PLEKHM1: variants seen among roughly 807,000 people sequenced by gnomAD.
The protein encoded by PLEKHM1 is pleckstrin homology domain-containing family M member 1.
In PLEKHM1, 28 loss-of-function variants were observed where a neutral mutation model predicts 94.3. The ratio of observed to expected loss-of-function variants is 0.30; its 90% CI spans 0.22 to 0.41. PLEKHM1 has a LOEUF of 0.41. PLEKHM1 is among the 10% of genes least tolerant of loss of function. PLEKHM1 has a pLI of 1.00. For synonymous variants in PLEKHM1, 424 were observed against 581.2 expected, an observed-to-expected ratio of 0.73 and a Z score of 3.89; for missense variants, 907 against 1,358.6, an observed-to-expected ratio of 0.67 and a Z score of 5.22.
intron 4 of PLEKHM1, among the ~76,000 whole-genome samples, chr17:45,470,697 C>T (rs1262707961): frequency 6.7e-6 from 1 of 150,330 alleles, no homozygotes; most frequent in Non-Finnish European, 1.5e-5. Flanking sequence ...CTCACTCTGT[C>T]GCCCAGGCTG....
At chr17:45,454,858 G>C (rs2050897554) in intron 6 of PLEKHM1, 1 of 184,072 alleles carries the variant, frequency 5.4e-6, no homozygotes, top group Admixed American at 5.3e-5. Context: ...GCCGGAAGCG[G>C]TGGCTCATGC....
chr17:45,447,640 C>G (rs1191133025), intron 8 of PLEKHM1, among the ~76,000 whole-genome samples: 1 of 152,226 alleles, frequency 6.6e-6, no homozygotes, highest in Non-Finnish European at 1.5e-5. Flanking sequence ...ACCAGTGGGT[C>G]AGCCAGAACA....
At chr17:45,441,865 GA>G (rs1278078971) in intron 9 of PLEKHM1, among the ~76,000 whole-genome samples, 1 of 152,200 alleles carries the variant, frequency 6.6e-6, no homozygotes, top group African/African-American at 2.4e-5. Flanking sequence ...GAGACCAGAG[GA>G]ATCTGGACGG....
At position 45,439,613 on chromosome 17, in the gene PLEKHM1, C is replaced by T. The variant is rs1430187862; in HGVS notation, c.2923G>A (p.Gly975Arg). The T allele has an allele frequency of 6.2e-7, 1 of 1,614,080 alleles. No individual in the cohort carries two copies. Among genetic ancestry groups the T allele is most frequent in the South Asian group, 1.1e-5 (1 of 91,080 alleles). Residue 975 changes from glycine (G) to arginine (R), a missense_variant, in exon 11 of 12, where the codon GGA (glycine) becomes AGA (arginine). This residue lies in a region of PLEKHM1 where 254 missense variants were observed against 451.1 expected (regional missense o/e 0.56). Transcript: ENST00000430334. Reference sequence around the variant, plus strand: ...AATTCAATCAGGGCCTTGAGGAATCCTTCATACACCCCGTCTGCGATCTGC... The same window carrying T: ...AATTCAATCAGGGCCTTGAGGAATCTTTCATACACCCCGTCTGCGATCTGC... ...LQQIADGVYEGFLKALIEFAS... is the reference protein window; with the variant it reads ...LQQIADGVYERFLKALIEFAS...
rs569504748 is a variant in PLEKHM1, at chr17:45,456,059, C to T, written c.1580-1787G>A. 1.2e-3 allele frequency among the ~76,000 whole-genome samples: 185 copies of T among 152,284 alleles called. 1 individual carries two copies. Among genetic ancestry groups the T allele is most frequent in the African/African-American group, 4.3e-3 (177 of 41,550 alleles). On this transcript the variant is annotated intron_variant, in intron 6 of 11. Coordinates refer to ENST00000430334, the MANE Select transcript of PLEKHM1 (RefSeq NM_014798.3). Reference sequence around the variant, plus strand: ...GCATTTGTTCTCCTTGCTTGAAACACGTACATTGCCTCATGACTCCTTCCC... The same window carrying T: ...GCATTTGTTCTCCTTGCTTGAAACATGTACATTGCCTCATGACTCCTTCCC...
At chr17:45,439,254 C>A (rs983286034) in intron 11 of PLEKHM1, among the ~76,000 whole-genome samples, 2 of 152,224 alleles carry the variant, frequency 1.3e-5, no homozygotes, top group African/African-American at 2.4e-5. Flanking sequence ...GCAGAGGAGT[C>A]CTGGGAAAGC....
intron 2 of PLEKHM1, among the ~76,000 whole-genome samples, chr17:45,481,442 T>A (rs1161364115): frequency 2.0e-5 from 3 of 150,848 alleles, no homozygotes; most frequent in Non-Finnish European, 4.4e-5. Context: ...AAAAGCAAGA[T>A]GTTATTTGTA....
chr17:45,484,220 G>A (rs1200828325), intron 1 of PLEKHM1, among the ~76,000 whole-genome samples: 1 of 152,192 alleles, frequency 6.6e-6, no homozygotes, highest in Non-Finnish European at 1.5e-5. Flanking sequence ...GAATGGCCCT[G>A]CAAAGCCATC....
rs776400345 is a variant in PLEKHM1 at position 45,453,846 on chromosome 17, C to T, written c.2006G>A (p.Gly669Asp). Residue 669 changes from glycine to aspartate, a missense_variant, in exon 7 of 12, where the codon GGC becomes GAC. Around this residue, in one of 3 missense-constraint regions of PLEKHM1, gnomAD observed 477 missense variants for 601.5 expected, o/e 0.79. Coordinates refer to ENST00000430334, the MANE Select transcript of PLEKHM1 (RefSeq NM_014798.3). The surrounding 1 kb of genome is among the most constrained non-coding windows in gnomAD (Gnocchi z 4.1). Reference sequence around the variant, plus strand: ...GGCGGACGACCAGTCAAACTGTGTGCCCTGGAGGGCCGCGGGCTCCGAGAG... The same window carrying T: ...GGCGGACGACCAGTCAAACTGTGTGTCCTGGAGGGCCGCGGGCTCCGAGAG... Reference protein sequence around the residue: ...DLLSEPAALQGTQFDWSSAQV... With the variant: ...DLLSEPAALQDTQFDWSSAQV... 1.9e-6 allele frequency: 3 copies of T among 1,613,864 alleles called. No homozygotes were observed. The highest frequency in any genetic ancestry group is 1.3e-5 in the African/African-American group (1 of 74,936).
Position 45,440,151 on chromosome 17 carries a change from T to C in PLEKHM1, c.2901+12A>G, listed in dbSNP as rs369641263. 18 of 1,611,790 alleles carry C rather than the reference T, an allele frequency of 1.1e-5. No individual in the cohort carries two copies. In the Middle Eastern group the frequency reaches 8.2e-4, roughly 74 times the overall value. The stretch of plus-strand genomic sequence containing the variant: ...TCTAGAGGTCTGGGCGGGGGAAGCA[T>C]GACACTCTTACCTGTTGGAGGTCAG... On this transcript the variant is annotated intron_variant, in intron 10 of 11. Transcript: ENST00000430334.
chr17:45,476,578 G>A (rs1160116486), intron 3 of PLEKHM1, among the ~76,000 whole-genome samples: 2 of 152,096 alleles, frequency 1.3e-5, no homozygotes, highest in African/African-American at 2.4e-5. Flanking sequence ...GAACCCCCTG[G>A]GGAACTTGAG....
At chr17:45,478,330 A>G (rs1208748972) in intron 2 of PLEKHM1, among the ~76,000 whole-genome samples, 183 bp from the exon 3 acceptor site, 1 of 152,248 alleles carries the variant, frequency 6.6e-6, no homozygotes, top group African/African-American at 2.4e-5. Flanking sequence ...AAGATAAAGC[A>G]TAGAGAAGAA....
intron 2 of PLEKHM1, among the ~76,000 whole-genome samples, chr17:45,480,895 T>C (rs2051931666): frequency 6.6e-6 from 1 of 152,224 alleles, no homozygotes; most frequent in Admixed American, 6.5e-5. Flanking sequence ...CATGTACAAG[T>C]TTTTGAGTGG....
At chr17:45,478,924 C>G (rs1470529201) in intron 2 of PLEKHM1, among the ~76,000 whole-genome samples, 5 of 152,230 alleles carry the variant, frequency 3.3e-5, no homozygotes, top group South Asian at 2.1e-4. Context: ...TTCCACTTAA[C>G]CGCTTTGAGC....
intron 5 of PLEKHM1, 134 bp from the exon 6 acceptor site, chr17:45,458,573 C>T (rs908093496): frequency 1.5e-5 from 13 of 839,536 alleles, no homozygotes; most frequent in Middle Eastern, 3.0e-4. Context: ...TGGGTTCAAG[C>T]GATTCTCCTG....
At position 45,478,072 on chromosome 17, in the gene PLEKHM1, T is replaced by G; in HGVS notation, c.124A>C (p.Ser42Arg). 1 of 1,614,198 alleles carries G rather than the reference T, an allele frequency of 6.2e-7. No individual in the cohort carries two copies. The highest frequency in any genetic ancestry group is 8.5e-7 in the Non-Finnish European group (1 of 1,180,026). Residue 42 changes from serine (S) to arginine (R), a missense_variant, in exon 3 of 12, where the codon AGT becomes CGT. By Grantham distance (110) the Ser-to-Arg change is moderately radical. This residue lies in a region of PLEKHM1 where 176 missense variants were observed against 306.0 expected (regional missense o/e 0.58). Transcript: ENST00000430334. ...ATGGTGTTGGCATCTCCGTCTTCACTAGTGACCACCGTGTCCAGGGACACG... is the reference window on the plus strand; with the variant it reads ...ATGGTGTTGGCATCTCCGTCTTCACGAGTGACCACCGTGTCCAGGGACACG... ...QYVSLDTVVT[S>R]EDGDANTMCS...
At chr17:45,462,254 C>G (rs1257960437) in intron 5 of PLEKHM1, among the ~76,000 whole-genome samples, 1 of 152,164 alleles carries the variant, frequency 6.6e-6, no homozygotes, top group East Asian at 1.9e-4. Flanking sequence ...TGCTTCCCCC[C>G]TGCCAGTGAC....
rs1391324918 is a variant in PLEKHM1, at chr17:45,444,290, TGAG to T, written c.2837+1177_2837+1179del. Among the ~76,000 whole-genome samples the T allele has an allele frequency of 1.3e-5, 2 of 152,202 alleles. No homozygotes were observed. Among genetic ancestry groups the T allele is most frequent in the South Asian group, 2.1e-4 (1 of 4,832 alleles). On this transcript the variant is annotated intron_variant, in intron 9 of 11. Coordinates refer to ENST00000430334, the MANE Select transcript of PLEKHM1 (RefSeq NM_014798.3). This position sits in a 1 kb window ranked among gnomAD's most constrained non-coding sequence, Gnocchi z 5.0. ...GTAGGCACCGGCAGGCTTCTCCGCC[TGAG>T]GTCTGCCCTCCTGAGGGTGCTGGGA...
chr17:45,440,154 C>T lies in PLEKHM1; in HGVS notation c.2901+9G>A, dbSNP rs1441611983. 6.2e-6 allele frequency: 10 copies of T among 1,612,252 alleles called. No individual in the cohort carries two copies. The highest frequency in any genetic ancestry group is 8.5e-6 in the Non-Finnish European group (10 of 1,178,458). On this transcript the variant is annotated intron_variant, in intron 10 of 11. Transcript: ENST00000430334. ...AGAGGTCTGGGCGGGGGAAGCATGACACTCTTACCTGTTGGAGGTCAGCAA... is the reference window on the plus strand; with the variant it reads ...AGAGGTCTGGGCGGGGGAAGCATGATACTCTTACCTGTTGGAGGTCAGCAA...
Sources: allele counts gnomAD v4.1 joint callset (sites outside exome capture counted in the v4.1 genomes callset), GRCh38; gene constraint gnomAD v4.1.1; regional missense constraint gnomAD v4.1.1; non-coding constraint Gnocchi (gnomAD v3.1); transcripts MANE v1.5; gene names NCBI Gene and HGNC (gene_info 2026-07-23, HGNC 2026-07-21).